Variants in ASTE1 observed in about 807,000 individuals in gnomAD.
ASTE1 encodes the protein asteroid structure-specific endonuclease 1.
In ASTE1, 49 loss-of-function variants were observed where a neutral mutation model predicts 45.8. The observed-to-expected ratio is 1.07, with a 90% CI of 0.85 to 1.36. The LOEUF (loss-of-function observed/expected upper bound fraction) is 1.36. Ranked by LOEUF, ASTE1 falls within the 40% of genes most tolerant of loss-of-function variation. The pLI, the probability that ASTE1 is intolerant of heterozygous loss-of-function variation, is 0.00. For synonymous variants in ASTE1, 296 were observed against 303.9 expected, an observed-to-expected ratio of 0.97 and a Z score of 0.27; for missense variants, 709 against 804.0, an observed-to-expected ratio of 0.88 and a Z score of 1.43.
rs750340383 is a variant in ASTE1 at position 131,014,203 on chromosome 3, T to TC, written c.1893_1894insG (p.Arg632GlufsTer11). 3 of 743,848 alleles carry TC rather than the reference T, an allele frequency of 4.0e-6. No individual in the cohort carries two copies. The highest frequency in any genetic ancestry group is 5.6e-6 in the Non-Finnish European group (3 of 531,932). 46.1% of individuals were successfully genotyped at this position (743,848 alleles called of 1,614,324 possible). A position where few individuals can be genotyped will look rare whatever the true frequency, so the allele number is the denominator to read the frequency against. ...CAGCTGGTATTCTGTTTCTTCTGCCTTTTTTTTTTTGAATTTGATCTACCT... is the reference window on the plus strand; with the variant it reads ...CAGCTGGTATTCTGTTTCTTCTGCCTCTTTTTTTTTTGAATTTGATCTACCT... On this transcript the variant is annotated frameshift_variant, in exon 6 of 6. Coordinates refer to ENST00000264992, the MANE Select transcript of ASTE1 (RefSeq NM_014065.4). LOFTEE classifies it low-confidence loss of function (END_TRUNC).
At chr3:131,017,405 C>T (rs1016383755) in intron 4 of ASTE1, among the ~76,000 whole-genome samples, 1 of 152,190 alleles carries the variant, frequency 6.6e-6, no homozygotes. Flanking sequence ...TAGCCTATAG[C>T]CATATGTAAC....
At position 131,024,250 on chromosome 3, in the gene ASTE1, G is replaced by T; in HGVS notation, c.1057C>A (p.Leu353Ile). Residue 353 changes from leucine (L) to isoleucine (I), a missense_variant, in exon 3 of 6, where the codon CTT becomes ATT. By Grantham distance (5) the Leu-to-Ile change is conservative. Transcript: ENST00000264992. ...SDALVLRRTILPTQVENMQQP... is the reference protein window; with the variant it reads ...SDALVLRRTIIPTQVENMQQP... ...TGCATGTTTTCCACCTGTGTGGGAA[G>T]AATGGTCCGTCTTAGGACCAAAGCA... 1.9e-6 allele frequency: 3 copies of T among 1,614,216 alleles called. No homozygotes were observed. The highest frequency in any genetic ancestry group is 2.5e-6 in the Non-Finnish European group (3 of 1,180,026).
intron 4 of ASTE1, 44 bp downstream of exon 4, chr3:131,018,462 A>C (rs749622274): frequency 6.4e-7 from 1 of 1,570,300 alleles, no homozygotes; most frequent in Non-Finnish European, 8.8e-7. Flanking sequence ...AACAGTTTGC[A>C]AGCAACATGC....
chr3:131,015,533 T>C (rs972627306), intron 5 of ASTE1, among the ~76,000 whole-genome samples: 4 of 152,212 alleles, frequency 2.6e-5, no homozygotes, highest in African/African-American at 7.2e-5. Flanking sequence ...AACTCCCTTA[T>C]TGTCCTTCTT....
chr3:131,016,791 A>T (rs1204828179), intron 4 of ASTE1: 2 of 356,618 alleles, frequency 5.6e-6, no homozygotes, highest in Non-Finnish European at 1.1e-5. Flanking sequence ...GTTTTATAGG[A>T]GGAAGCTAAA....
chr3:131,025,387 C>A, intron 2 of ASTE1, 56 bp from the exon 3 acceptor site: 1 of 1,529,480 alleles, frequency 6.5e-7, no homozygotes, highest in South Asian at 1.3e-5. Flanking sequence ...GGCACCAAGT[C>A]ATTGCTTCCA....
intron 5 of ASTE1, 113 bp downstream of exon 5, chr3:131,016,031 T>A: frequency 7.6e-7 from 1 of 1,318,058 alleles, no homozygotes; most frequent in South Asian, 1.3e-5. Flanking sequence ...AGATTAGTTT[T>A]TTTTTGTTTT....
rs1431182924 is a variant in ASTE1, at chr3:131,026,651, G to A, written c.-291C>T. The A allele has an allele frequency of 6.6e-6, 1 of 152,340 alleles. No individual in the cohort carries two copies. Among genetic ancestry groups the A allele is most frequent in the Non-Finnish European group, 1.5e-5 (1 of 68,150 alleles). 9.4% of individuals were successfully genotyped at this position (152,340 alleles called of 1,614,324 possible). A position where few individuals can be genotyped will look rare whatever the true frequency, so the allele number is the denominator to read the frequency against. On this transcript the variant is annotated 5_prime_UTR_variant, in exon 1 of 6. Coordinates refer to ENST00000264992, the MANE Select transcript of ASTE1 (RefSeq NM_014065.4). ...TCTCTGGGAAGTACAGTTCCGTGAT[G>A]CCGGTGGCGCCAGACTGAGCCAAGG...
Position 131,024,984 on chromosome 3 carries a change from A to C in ASTE1, c.323T>G (p.Val108Gly). The part of the protein sequence containing the change: ...EKIQMAHSLS[V>G]GGSGYVCPLL... ...GGGACATACGTACCCACTCCCACCAACAGAAAGGGAATGGGCCATCTGGAT... is the reference window on the plus strand; with the variant it reads ...GGGACATACGTACCCACTCCCACCACCAGAAAGGGAATGGGCCATCTGGAT... Residue 108 changes from valine (V) to glycine (G), a missense_variant, in exon 3 of 6, where the codon GTT becomes GGT. Val to Gly is a moderately radical substitution (Grantham distance 109). Transcript: ENST00000264992. The C allele has an allele frequency of 6.2e-7, 1 of 1,601,890 alleles. No individual in the cohort carries two copies. Among genetic ancestry groups the C allele is most frequent in the Non-Finnish European group, 8.5e-7 (1 of 1,173,368 alleles).
At chr3:131,022,661 C>G (rs1358424846) in intron 3 of ASTE1, among the ~76,000 whole-genome samples, 1 of 151,980 alleles carries the variant, frequency 6.6e-6, no homozygotes, top group African/African-American at 2.4e-5. Flanking sequence ...TCACTAATTC[C>G]AAAACATTTT....
Position 131,018,687 on chromosome 3 carries a change from CAG to C in ASTE1, c.1330_1331del (p.Leu444ValfsTer62). ...TCTGTTTCACCTTCAGGGTTTCTAA[CAG>C]AAGCATCTGCCGCCTCCTCAAGGAG... ...ELSLRRRQML[L>X]LETLKVKQTI... On this transcript the variant is annotated frameshift_variant, in exon 4 of 6. Transcript: ENST00000264992. LOFTEE classifies it high-confidence loss of function. 6.2e-7 allele frequency: 1 copy of C among 1,614,098 alleles called. No individual in the cohort carries two copies. Among genetic ancestry groups the C allele is most frequent in the Non-Finnish European group, 8.5e-7 (1 of 1,180,006 alleles).
intron 5 of ASTE1, chr3:131,015,228 C>G (rs2063549337): frequency 1.4e-6 from 1 of 702,046 alleles, no homozygotes; most frequent in Non-Finnish European, 2.6e-6. Flanking sequence ...GTCCATATAT[C>G]CTCATTCAAA....
chr3:131,016,236 AG>A lies in ASTE1; in HGVS notation c.1616del (p.Ala539ValfsTer30). On this transcript the variant is annotated frameshift_variant, in exon 5 of 6. Coordinates refer to ENST00000264992, the MANE Select transcript of ASTE1 (RefSeq NM_014065.4). LOFTEE classifies it high-confidence loss of function. ...RLGTRLDLDT[A>X]HIFCQWQSCL... ...AGGACTGCCACTGACAGAAGATGTG[AG>A]CTGTGTCTAAGTCCAGTCTTGTGCC... 6.2e-7 allele frequency: 1 copy of A among 1,614,152 alleles called. No individual in the cohort carries two copies. The highest frequency in any genetic ancestry group is 8.5e-7 in the Non-Finnish European group (1 of 1,180,024).
At chr3:131,017,674 T>C (rs1223303959) in intron 4 of ASTE1, among the ~76,000 whole-genome samples, 1 of 152,120 alleles carries the variant, frequency 6.6e-6, no homozygotes, top group Non-Finnish European at 1.5e-5. Flanking sequence ...CCTCAGTGTA[T>C]TTAAGAGATA....
At chr3:131,023,206 GGTCTGTGAGTTTT>G (rs1350438894) in intron 3 of ASTE1, among the ~76,000 whole-genome samples, 1 of 152,096 alleles carries the variant, frequency 6.6e-6, no homozygotes, top group Non-Finnish European at 1.5e-5. Context: ...TGCCACGTGT[GGTCTGTGAGTTTT>G]GTGAGACTGA....
Position 131,016,308 on chromosome 3 carries a change from C to G in ASTE1, c.1545G>C (p.Lys515Asn). Reference sequence around the variant, plus strand: ...CTCTTTGGAACTCTGCATACAACATCTTAGCACCATCTTCCTGCAGCTCTT... The same window carrying G: ...CTCTTTGGAACTCTGCATACAACATGTTAGCACCATCTTCCTGCAGCTCTT... ...GKEELQEDGA[K>N]MLYAEFQRVK... Residue 515 changes from lysine to asparagine, a missense_variant, in exon 5 of 6, where the codon AAG (lysine) becomes AAC (asparagine). Transcript: ENST00000264992. The G allele has an allele frequency of 6.2e-7, 1 of 1,613,818 alleles. No individual in the cohort carries two copies. The highest frequency in any genetic ancestry group is 8.5e-7 in the Non-Finnish European group (1 of 1,179,712).
chr3:131,018,624 G>A lies in ASTE1; in HGVS notation c.1395C>T (p.Pro465=), dbSNP rs2063701530. The part of the protein sequence containing the change: ...LEPIPTSLKL[P]IAVSCYWLQH... The stretch of plus-strand genomic sequence containing the variant: ...GCAACCAGTAGCAACTGACAGCAAT[G>A]GGCAACTTCAGTGAAGTAGGGATTG... Residue 465 remains proline, a synonymous_variant, in exon 4 of 6, where the codon CCC becomes CCT. Transcript: ENST00000264992. 6.2e-7 allele frequency: 1 copy of A among 1,613,830 alleles called. No individual in the cohort carries two copies. The highest frequency in any genetic ancestry group is 1.3e-5 in the African/African-American group (1 of 74,826).
chr3:131,016,090 C>G, intron 5 of ASTE1, 54 bp downstream of exon 5: 1 of 1,539,658 alleles, frequency 6.5e-7, no homozygotes, highest in East Asian at 2.3e-5. Flanking sequence ...AGTGAAAATA[C>G]TGTATTTACT....
chr3:131,015,877 C>T, intron 5 of ASTE1: 1 of 534,028 alleles, frequency 1.9e-6, no homozygotes, highest in South Asian at 1.8e-5. Flanking sequence ...CCCTCTCCCA[C>T]ATATTAATGT....
Sources: allele counts gnomAD v4.1 joint callset (sites outside exome capture counted in the v4.1 genomes callset), GRCh38; gene constraint gnomAD v4.1.1; transcripts MANE v1.5; gene names NCBI Gene and HGNC (gene_info 2026-07-23, HGNC 2026-07-21).